The following NINJ2 variants were observed in gnomAD, a reference collection of about 807,000 sequenced individuals.
The protein encoded by NINJ2 is ninjurin 2.
NINJ2 carries 12 observed loss-of-function variants against 11.7 expected under a neutral mutation model. The observed-to-expected ratio is 1.02, with a 90% CI of 0.66 to 1.66. The LOEUF is 1.66. Ranked by LOEUF, NINJ2 falls within the 40% of genes most tolerant of loss-of-function variation. NINJ2 has a pLI of 0.00. For missense variants in NINJ2, 187 were observed against 181.8 expected (o/e 1.03, Z -0.16); for synonymous variants, 93 against 76.8 (o/e 1.21, Z -1.10).
At chr12:608,073 A>G (rs1170392787) in intron 1 of NINJ2, among the ~76,000 whole-genome samples, 2 of 152,092 alleles carry the variant, frequency 1.3e-5, no homozygotes, top group Non-Finnish European at 2.9e-5. Flanking sequence ...TGGATGGAGG[A>G]TGAGTATCCA....
intron 1 of NINJ2, among the ~76,000 whole-genome samples, chr12:654,891 C>CAA (rs1196945250): frequency 2.0e-4 from 21 of 104,818 alleles, no homozygotes; most frequent in Non-Finnish European, 3.8e-4. Flanking sequence ...AACTCCATTT[C>CAA]AAAAAAAAAA....
chr12:587,495 C>A (rs906303433), intron 1 of NINJ2, among the ~76,000 whole-genome samples: 3 of 152,250 alleles, frequency 2.0e-5, no homozygotes, highest in African/African-American at 7.2e-5. Context: ...TAAGGACACG[C>A]AAAGGGAGCC....
intron 1 of NINJ2, among the ~76,000 whole-genome samples, chr12:651,982 A>G (rs886506878): frequency 6.6e-6 from 1 of 152,256 alleles, no homozygotes; most frequent in Non-Finnish European, 1.5e-5. Context: ...TATATGTGTA[A>G]TGGAAATAAA....
At chr12:644,696 A>T (rs1937648841) in intron 1 of NINJ2, 1 of 152,240 alleles carries the variant, frequency 6.6e-6, no homozygotes. Context: ...AAAAAAATTT[A>T]TTGACACCTA....
chr12:662,832 G>A (rs1427480941), intron 1 of NINJ2, among the ~76,000 whole-genome samples: 1 of 152,178 alleles, frequency 6.6e-6, no homozygotes, highest in Non-Finnish European at 1.5e-5. Flanking sequence ...GTCCAAATGA[G>A]ACGCTTTCTG....
In NINJ2 at chr12:640,225, G is replaced by T. The variant is rs12306857; in HGVS notation, c.33+23103C>A. On this transcript the variant is annotated intron_variant, in intron 1 of 3. Coordinates refer to ENST00000305108, the MANE Select transcript of NINJ2 (RefSeq NM_016533.6). The surrounding 1 kb of genome is among the most constrained non-coding windows in gnomAD (Gnocchi z 4.0). Reference sequence around the variant, plus strand: ...CCAAGGTATTGAGATGGAAGAACTGGGCATCACTTAATGAAAATATCTTGG... The same window carrying T: ...CCAAGGTATTGAGATGGAAGAACTGTGCATCACTTAATGAAAATATCTTGG... 0.021 allele frequency among the ~76,000 whole-genome samples: 3,266 copies of T among 152,242 alleles called. 117 individuals are homozygous for T. The highest frequency in any genetic ancestry group is 0.074 in the African/African-American group (3,074 of 41,528).
At chr12:571,318 G>A (rs1431933804) in intron 1 of NINJ2, among the ~76,000 whole-genome samples, 6 of 152,270 alleles carry the variant, frequency 3.9e-5, no homozygotes, top group African/African-American at 1.4e-4. Context: ...TGGGCAACAA[G>A]AGGACGTGGG....
rs1364581101 is a variant in NINJ2, at chr12:614,589, A to G, written c.34-48411T>C. Among the ~76,000 whole-genome samples the G allele has an allele frequency of 4.6e-5, 7 of 152,066 alleles. No homozygotes were observed. Among genetic ancestry groups the G allele is most frequent in the Admixed American group, 6.5e-5 (1 of 15,272 alleles). Reference sequence around the variant, plus strand: ...CCTTGCATTCCCTACTTGCCTCTCTACATGTCTTCCTCCTCCATGCCTAGA... The same window carrying G: ...CCTTGCATTCCCTACTTGCCTCTCTGCATGTCTTCCTCCTCCATGCCTAGA... On this transcript the variant is annotated intron_variant, in intron 1 of 3. Coordinates refer to ENST00000305108, the MANE Select transcript of NINJ2 (RefSeq NM_016533.6). This position sits in a 1 kb window ranked among gnomAD's most constrained non-coding sequence, Gnocchi z 5.1.
chr12:580,182 A>T lies in NINJ2; in HGVS notation c.34-14004T>A, dbSNP rs1432772024. The stretch of plus-strand genomic sequence containing the variant: ...TCCAGAGCCTGTATAAAGTGTATAA[A>T]GGGGGAAGCCAGGAGATAGAGAGCT... On this transcript the variant is annotated intron_variant, in intron 1 of 3. Coordinates refer to ENST00000305108, the MANE Select transcript of NINJ2 (RefSeq NM_016533.6). This position sits in a 1 kb window ranked among gnomAD's most constrained non-coding sequence, Gnocchi z 4.7. Among the ~76,000 whole-genome samples the T allele has an allele frequency of 6.6e-6, 1 of 152,208 alleles. No homozygotes were observed. The highest frequency in any genetic ancestry group is 6.5e-5 in the Admixed American group (1 of 15,278).
chr12:640,459 G>T lies in NINJ2; in HGVS notation c.33+22869C>A, dbSNP rs1948404283. On this transcript the variant is annotated intron_variant, in intron 1 of 3. Transcript: ENST00000305108. The surrounding 1 kb of genome is among the most constrained non-coding windows in gnomAD (Gnocchi z 4.0). ...AGCAGGGCCTTTAGTCCCAACTACAGTCATTAATTCATCCCTGGTACTTGA... is the reference window on the plus strand; with the variant it reads ...AGCAGGGCCTTTAGTCCCAACTACATTCATTAATTCATCCCTGGTACTTGA... 6.6e-6 allele frequency among the ~76,000 whole-genome samples: 1 copy of T among 152,190 alleles called. No homozygotes were observed. Among genetic ancestry groups the T allele is most frequent in the African/African-American group, 2.4e-5 (1 of 41,444 alleles).
intron 1 of NINJ2, chr12:610,476 C>A: frequency 6.5e-7 from 1 of 1,531,776 alleles, no homozygotes; most frequent in South Asian, 1.2e-5. Context: ...GGAAAAGGGT[C>A]AGCGAGCACA....
At chr12:650,350 T>G (rs541511834) in intron 1 of NINJ2, among the ~76,000 whole-genome samples, 28 of 151,132 alleles carry the variant, frequency 1.9e-4, no homozygotes, top group African/African-American at 6.8e-4. Context: ...TGAGCTCAGG[T>G]GATGTACCGA....
intron 1 of NINJ2, among the ~76,000 whole-genome samples, chr12:617,160 C>T (rs959968998): frequency 2.6e-5 from 4 of 152,150 alleles, no homozygotes; most frequent in African/African-American, 2.4e-5. Flanking sequence ...GAGCTGATCA[C>T]TCCATTGCAC....
At chr12:590,132 T>C (rs1947699003) in intron 1 of NINJ2, among the ~76,000 whole-genome samples, 1 of 152,168 alleles carries the variant, frequency 6.6e-6, no homozygotes, top group African/African-American at 2.4e-5. Context: ...AGAGACGGTG[T>C]CTTGCTATAT....
At position 629,896 on chromosome 12, in the gene NINJ2, A is replaced by AAAAAAAAAAAAAAAAAAT; in HGVS notation, c.33+33431_33+33432insATTTTTTTTTTTTTTTTT. Among the ~76,000 whole-genome samples, 18 of 9,900 alleles carry AAAAAAAAAAAAAAAAAAT rather than the reference A, an allele frequency of 1.8e-3. 1 individual carries two copies. The highest frequency in any genetic ancestry group is 4.7e-3 in the Non-Finnish European group (10 of 2,126). 6.5% of individuals were successfully genotyped at this position (9,900 alleles called of 152,430 possible). A position where few individuals can be genotyped will look rare whatever the true frequency, so the allele number is the denominator to read the frequency against. On this transcript the variant is annotated intron_variant, in intron 1 of 3. Transcript: ENST00000305108. ...GAGCAAAACTCAAAAAAAAAAAAAA[A>AAAAAAAAAAAAAAAAAAT]ATATATATATATATATATATATATA...
rs189266781 is a variant in NINJ2 at position 639,574 on chromosome 12, C to T, written c.33+23754G>A. 2.7e-3 allele frequency among the ~76,000 whole-genome samples: 417 copies of T among 152,230 alleles called. 5 individuals carry two copies. The highest frequency in any genetic ancestry group is 9.2e-3 in the African/African-American group (383 of 41,534). ...AGAAAAGAAAAAAAAGTCCCCATTG[C>T]CACCCTAACCTATGGCTCCGTTTAT... On this transcript the variant is annotated intron_variant, in intron 1 of 3. Transcript: ENST00000305108.
intron 3 of NINJ2, 29 bp downstream of exon 3, chr12:565,188 G>T (rs1317900620): frequency 1.3e-6 from 2 of 1,567,160 alleles, no homozygotes; most frequent in Non-Finnish European, 1.7e-6. Context: ...GGGAGTCCCT[G>T]GAGCTGGGGT....
chr12:661,141 T>C (rs1195761627), intron 1 of NINJ2, among the ~76,000 whole-genome samples: 1 of 152,168 alleles, frequency 6.6e-6, no homozygotes, highest in Non-Finnish European at 1.5e-5. Flanking sequence ...TGCAATGGCA[T>C]GATTGTAGCT....
At chr12:649,365 T>A (rs1302376147) in intron 1 of NINJ2, among the ~76,000 whole-genome samples, 2 of 152,036 alleles carry the variant, frequency 1.3e-5, no homozygotes, top group Non-Finnish European at 2.9e-5. Context: ...ACATTTCTAG[T>A]CTTGGAGCAT....
Sources: allele counts gnomAD v4.1 joint callset (sites outside exome capture counted in the v4.1 genomes callset), GRCh38; gene constraint gnomAD v4.1.1; non-coding constraint Gnocchi (gnomAD v3.1); transcripts MANE v1.5; gene names NCBI Gene and HGNC (gene_info 2026-07-23, HGNC 2026-07-21).